The following MTCL2 variants were observed in gnomAD, a reference collection of about 807,000 sequenced individuals.
MTCL2 encodes microtubule crosslinking factor 2, also known as microtubule cross-linking factor 2.
the MTCL2 span, chr20:36,783,858 T>TA: frequency 1.0e-6 from 1 of 985,236 alleles, no homozygotes; most frequent in South Asian, 4.7e-5. Context: ...AGTAAAATGC[T>TA]AAAAACCGAA....
the MTCL2 span, chr20:36,863,447 C>A: frequency 1.2e-6 from 1 of 849,780 alleles, no homozygotes; most frequent in Non-Finnish European, 1.5e-6. This position sits in a 1 kb window ranked among gnomAD's most constrained non-coding sequence, Gnocchi z 6.2. Context: ...GCTGGGGCTG[C>A]GGCTGCTCTC....
chr20:36,794,201 T>G, the MTCL2 span: 16 of 1,547,384 alleles, frequency 1.0e-5, no homozygotes, highest in Admixed American at 3.1e-4. The surrounding 1 kb of genome is among the most constrained non-coding windows in gnomAD (Gnocchi z 5.4). Flanking sequence ...AGCCAGCCCA[T>G]CAGCCTCGGC....
chr20:36,833,813 C>G, the MTCL2 span, among the ~76,000 whole-genome samples: 1 of 151,908 alleles, frequency 6.6e-6, no homozygotes, highest in East Asian at 1.9e-4. Flanking sequence ...TGATCAGCCA[C>G]CGTACTGCAG....
chr20:36,857,246 G>A, the MTCL2 span, among the ~76,000 whole-genome samples: 6 of 152,126 alleles, frequency 3.9e-5, no homozygotes, highest in Non-Finnish European at 7.3e-5. Flanking sequence ...ATATCCGGGT[G>A]TGTCTAGGGG....
At chr20:36,809,202 A>G in the MTCL2 span, among the ~76,000 whole-genome samples, 1 of 152,066 alleles carries the variant, frequency 6.6e-6, no homozygotes, top group African/African-American at 2.4e-5. Flanking sequence ...GCCCTGCCAC[A>G]CTCTGGATGT....
chr20:36,846,966 C>T, the MTCL2 span, among the ~76,000 whole-genome samples: 2 of 152,178 alleles, frequency 1.3e-5, no homozygotes, highest in Non-Finnish European at 2.9e-5. Context: ...GCTGAGATTG[C>T]AACAATGCAC....
At chr20:36,838,898 G>A in the MTCL2 span, among the ~76,000 whole-genome samples, 4 of 152,066 alleles carry the variant, frequency 2.6e-5, no homozygotes, top group African/African-American at 9.7e-5. Context: ...GATCCCGGGA[G>A]GCAGAAGTTG....
the MTCL2 span, among the ~76,000 whole-genome samples, chr20:36,832,556 A>C: frequency 6.6e-6 from 1 of 152,202 alleles, no homozygotes; most frequent in Non-Finnish European, 1.5e-5. Context: ...AGCACAGGCC[A>C]GGCACGATGA....
At chr20:36,803,205 G>C in the MTCL2 span, 1 of 1,466,538 alleles carries the variant, frequency 6.8e-7, no homozygotes, top group Non-Finnish European at 9.0e-7. Flanking sequence ...GAAAAGGGGA[G>C]AGGTCCCCTC....
At chr20:36,853,057 CAAAA>C in the MTCL2 span, among the ~76,000 whole-genome samples, 1 of 71,386 alleles carries the variant, frequency 1.4e-5, no homozygotes, top group Non-Finnish European at 2.9e-5. Flanking sequence ...ACTTCGTCTC[CAAAA>C]AAAAAAAAAA....
At chr20:36,829,115 C>T in the MTCL2 span, 31 of 1,576,312 alleles carry the variant, frequency 2.0e-5, no homozygotes, top group Middle Eastern at 3.3e-4. Context: ...CTCGATGAGC[C>T]GCTGACGAAG....
chr20:36,815,758 A>G, the MTCL2 span: 3 of 1,591,026 alleles, frequency 1.9e-6, no homozygotes, highest in African/African-American at 4.0e-5. This position sits in a 1 kb window ranked among gnomAD's most constrained non-coding sequence, Gnocchi z 5.3. Flanking sequence ...AGCACAGAAC[A>G]ACTGTCCTCC....
At chr20:36,787,135 G>A in the MTCL2 span, among the ~76,000 whole-genome samples, 2 of 151,948 alleles carry the variant, frequency 1.3e-5, no homozygotes, top group Non-Finnish European at 2.9e-5. Context: ...CCAAAGGCAT[G>A]AGCCACCATG....
chr20:36,793,237 C>T, the MTCL2 span: 3 of 1,547,062 alleles, frequency 1.9e-6, no homozygotes, highest in African/African-American at 4.1e-5. The surrounding 1 kb of genome is among the most constrained non-coding windows in gnomAD (Gnocchi z 6.8). Context: ...AGGACAGATC[C>T]CACCCACCTA....
the MTCL2 span, among the ~76,000 whole-genome samples, chr20:36,792,130 G>A: frequency 3.3e-5 from 5 of 152,136 alleles, no homozygotes; most frequent in Non-Finnish European, 7.4e-5. Context: ...GTGATAGGAG[G>A]AGCCCCGATT....
the MTCL2 span, chr20:36,859,714 A>G: frequency 8.1e-7 from 1 of 1,231,602 alleles, no homozygotes; most frequent in East Asian, 3.2e-5. Flanking sequence ...TGACCCCTAC[A>G]AGGGGGAGGT....
At chr20:36,860,740 C>T in the MTCL2 span, among the ~76,000 whole-genome samples, 1 of 152,204 alleles carries the variant, frequency 6.6e-6, no homozygotes, top group Non-Finnish European at 1.5e-5. Flanking sequence ...AATGAGAAAG[C>T]AAAGGTCCAG....
chr20:36,859,921 T>TGCTCTGGGACCC, the MTCL2 span: 25 of 1,230,752 alleles, frequency 2.0e-5, no homozygotes, highest in African/African-American at 4.7e-5. Flanking sequence ...CTAGCGACCC[T>TGCTCTGGGACCC]GCTCTGGGAC....
chr20:36,839,418 G>T, the MTCL2 span: 1 of 1,613,366 alleles, frequency 6.2e-7, no homozygotes, highest in South Asian at 1.1e-5. The surrounding 1 kb of genome is among the most constrained non-coding windows in gnomAD (Gnocchi z 5.1). Flanking sequence ...CCAGCATCTC[G>T]GCCCGCAGCT....
Sources: gnomAD v4.1 joint callset for allele counts (sites outside exome capture counted in the v4.1 genomes callset) on GRCh38, gnomAD v4.1.1 for gene constraint, Gnocchi (gnomAD v3.1) non-coding constraint, MANE v1.5 for transcripts, NCBI Gene and HGNC (gene_info 2026-07-23, HGNC 2026-07-21) for gene names.